The following ATL2 variants were observed in gnomAD, a reference collection of about 807,000 sequenced individuals.
ATL2 encodes atlastin GTPase 2.
A neutral mutation model predicts 73.9 loss-of-function variants in ATL2; 31 were observed. The ratio of observed to expected loss-of-function variants is 0.42; its 90% CI spans 0.32 to 0.57. The LOEUF is 0.57. ATL2 is among the 20% of genes least tolerant of loss of function. The pLI, the probability that ATL2 is intolerant of heterozygous loss-of-function variation, is 0.14. For missense variants in ATL2, 738 were observed against 702.6 expected, an observed-to-expected ratio of 1.05 and a Z score of -0.57; for synonymous variants, 291 against 237.5, an observed-to-expected ratio of 1.23 and a Z score of -2.07.
intron 1 of ATL2, chr2:38,359,380 G>A (rs967614453): frequency 6.7e-5 from 10 of 150,184 alleles, no homozygotes; most frequent in African/African-American, 2.2e-4. Context: ...TGAGGCAGAA[G>A]AATCACTTGA....
At chr2:38,357,603 G>C (rs1670747718) in intron 1 of ATL2, among the ~76,000 whole-genome samples, 1 of 126,848 alleles carries the variant, frequency 7.9e-6, no homozygotes, top group African/African-American at 3.2e-5. Flanking sequence ...AGTGAGCCAA[G>C]ATCGCACCAC....
intron 3 of ATL2, 81 bp downstream of exon 3, chr2:38,318,804 G>C (rs1194071598): frequency 6.7e-7 from 1 of 1,483,324 alleles, no homozygotes; most frequent in African/African-American, 1.4e-5. Context: ...AACATTAATA[G>C]TTCTGTGTTG....
chr2:38,347,779 T>TC, intron 1 of ATL2, among the ~76,000 whole-genome samples: 1 of 143,478 alleles, frequency 7.0e-6, no homozygotes, highest in South Asian at 2.1e-4. Context: ...TTTTTTTTTT[T>TC]TTTTTTTTAA....
At chr2:38,304,393 A>C (rs1017039538) in intron 9 of ATL2, among the ~76,000 whole-genome samples, 1 of 152,252 alleles carries the variant, frequency 6.6e-6, no homozygotes, top group Non-Finnish European at 1.5e-5. Flanking sequence ...ATAAATGTTA[A>C]AGAGAGTTCT....
chr2:38,377,341 G>A (rs1672049726), upstream of ATL2: 1 of 1,288,078 alleles, frequency 7.8e-7, no homozygotes. Context: ...CCGGCGGGGT[G>A]GCCGGCGGGT....
chr2:38,297,125 A>G (rs895247138), intron 12 of ATL2, among the ~76,000 whole-genome samples: 16 of 152,240 alleles, frequency 1.1e-4, no homozygotes, highest in Non-Finnish European at 1.3e-4. Context: ...GCATTTCTCT[A>G]AAGAGTAAAC....
intron 2 of ATL2, among the ~76,000 whole-genome samples, chr2:38,321,094 T>C (rs913927866): frequency 6.6e-6 from 1 of 151,616 alleles, no homozygotes; most frequent in Non-Finnish European, 1.5e-5. Flanking sequence ...TTCAGGTGGG[T>C]TGTGGGAGGT....
intron 2 of ATL2, among the ~76,000 whole-genome samples, chr2:38,327,263 G>A (rs188882812): frequency 6.6e-6 from 1 of 152,078 alleles, no homozygotes; most frequent in East Asian, 1.9e-4. Context: ...AATCTTTTAG[G>A]TGGTTATAGT....
At chr2:38,320,455 A>G (rs888697299) in intron 2 of ATL2, among the ~76,000 whole-genome samples, 1 of 152,236 alleles carries the variant, frequency 6.6e-6, no homozygotes, top group Non-Finnish European at 1.5e-5. Flanking sequence ...AGTTCATTAT[A>G]CAATTCTCTT....
chr2:38,295,757 G>T lies in ATL2; in HGVS notation c.*237C>A. On this transcript the variant is annotated 3_prime_UTR_variant, in exon 13 of 13. Transcript: ENST00000378954. ...AAAAGAAATAAAAGAGTTAAACATG[G>T]CACAAAGGTGCATGATTAACCAATG... 1 of 343,152 alleles carries T rather than the reference G, an allele frequency of 2.9e-6. No homozygotes were observed. The highest frequency in any genetic ancestry group is 5.3e-6 in the Non-Finnish European group (1 of 187,860). 21.3% of individuals were successfully genotyped at this position (343,152 alleles called of 1,614,324 possible).
At chr2:38,377,044 G>GGACTCCGACCCCGCCGCC (rs1018347712) in intron 1 of ATL2, 99 bp downstream of exon 1, 20 of 1,125,238 alleles carry the variant, frequency 1.8e-5, no homozygotes, top group Non-Finnish European at 2.2e-5. Context: ...AACCAGCCGC[G>GGACTCCGACCCCGCCGCC]GACTCCGACC....
At chr2:38,352,133 C>CAAAAAAAAAAA (rs778821586) in intron 1 of ATL2, among the ~76,000 whole-genome samples, 3 of 31,994 alleles carry the variant, frequency 9.4e-5, no homozygotes, top group Non-Finnish European at 1.6e-4. Flanking sequence ...AAACAACAAC[C>CAAAAAAAAAAA]AAAAAAAAAA....
chr2:38,350,539 T>C (rs1484892822), intron 1 of ATL2, among the ~76,000 whole-genome samples: 3 of 152,194 alleles, frequency 2.0e-5, no homozygotes, highest in East Asian at 3.8e-4. Flanking sequence ...CCTGTCATTA[T>C]ACATCTATGA....
At chr2:38,310,629 CT>C (rs538258408) in intron 7 of ATL2, among the ~76,000 whole-genome samples, 182 bp from the exon 8 acceptor site, 4,811 of 127,268 alleles carry the variant, frequency 0.038, 89 homozygotes, top group African/African-American at 0.056. Flanking sequence ...TAAGACCCCA[CT>C]TTTTTTTTTT....
intron 4 of ATL2, among the ~76,000 whole-genome samples, chr2:38,316,031 T>A (rs1052595489): frequency 3.3e-5 from 5 of 151,878 alleles, no homozygotes; most frequent in African/African-American, 4.8e-5. Context: ...CTAAGACAGA[T>A]CTTTAGACAG....
In ATL2 at chr2:38,316,644, A is replaced by G. The variant is rs898079807; in HGVS notation, c.604-1310T>C. On this transcript the variant is annotated intron_variant, in intron 4 of 12. Transcript: ENST00000378954. ...TTTATACTTTACAAAGCACTTTCAT[A>G]TGCATTATCTCATTTAGCTCTCATT... Among the ~76,000 whole-genome samples, 4 of 152,158 alleles carry G rather than the reference A, an allele frequency of 2.6e-5. No individual in the cohort carries two copies. In the East Asian group the frequency reaches 7.7e-4, roughly 29 times the overall value.
At chr2:38,310,222 G>A (rs1667672654) in intron 8 of ATL2, 87 bp downstream of exon 8, 3 of 1,427,968 alleles carry the variant, frequency 2.1e-6, no homozygotes, top group African/African-American at 2.9e-5. Flanking sequence ...GTATAAGACA[G>A]GACATTTAAG....
intron 2 of ATL2, among the ~76,000 whole-genome samples, chr2:38,328,829 T>C (rs552490304): frequency 6.6e-6 from 1 of 151,418 alleles, no homozygotes; most frequent in Non-Finnish European, 1.5e-5. Context: ...CAAGAACTGA[T>C]GAAATTGAAA....
chr2:38,322,837 C>T (rs1302538423), intron 2 of ATL2, among the ~76,000 whole-genome samples: 1 of 152,154 alleles, frequency 6.6e-6, no homozygotes, highest in Admixed American at 6.6e-5. Context: ...TATGATGATG[C>T]CACCACACTC....
Sources: allele counts gnomAD v4.1 joint callset (sites outside exome capture counted in the v4.1 genomes callset), GRCh38; gene constraint gnomAD v4.1.1; transcripts MANE v1.5; gene names NCBI Gene and HGNC (gene_info 2026-07-23, HGNC 2026-07-21).